Variants in DOK5 observed in about 807,000 individuals in gnomAD.
DOK5 encodes the protein docking protein 5, also known as downstream of tyrosine kinase 5.
Under a neutral mutation model 43.3 loss-of-function variants are expected in DOK5, and 27 were observed. The observed-to-expected ratio is 0.62, with a 90% CI of 0.46 to 0.86. DOK5 has a LOEUF of 0.86. Ranked by LOEUF, DOK5 falls within the 40% of genes least tolerant of loss-of-function variation. The pLI is 0.00. For synonymous variants in DOK5, 146 were observed against 140.1 expected (o/e 1.04, Z -0.30); for missense variants, 373 against 392.9 (o/e 0.95, Z 0.43).
At chr20:54,537,401 G>A (rs1983994676) in intron 1 of DOK5, among the ~76,000 whole-genome samples, 2 of 152,148 alleles carry the variant, frequency 1.3e-5, no homozygotes, top group Admixed American at 1.3e-4. Context: ...AGAATTATCT[G>A]ACAAAGATAT....
chr20:54,617,085 C>T (rs539557378), intron 6 of DOK5, among the ~76,000 whole-genome samples: 6 of 152,030 alleles, frequency 3.9e-5, no homozygotes, highest in African/African-American at 1.2e-4. Flanking sequence ...CCACTGCGCC[C>T]AGCCAAGGAT....
intron 1 of DOK5, among the ~76,000 whole-genome samples, chr20:54,549,642 A>G (rs187678357): frequency 6.6e-6 from 1 of 152,356 alleles, no homozygotes; most frequent in Non-Finnish European, 1.5e-5. Flanking sequence ...GCTTTTGGAC[A>G]TAAGCCAGGC....
intron 1 of DOK5, among the ~76,000 whole-genome samples, chr20:54,502,168 T>C (rs1982634040): frequency 6.6e-6 from 1 of 152,228 alleles, no homozygotes; most frequent in South Asian, 2.1e-4. Flanking sequence ...TTGAGACCAA[T>C]TTAATAACCA....
chr20:54,549,290 T>C (rs1984446770), intron 1 of DOK5, among the ~76,000 whole-genome samples: 1 of 152,188 alleles, frequency 6.6e-6, no homozygotes, highest in Admixed American at 6.5e-5. Flanking sequence ...ACAATTATCC[T>C]GAGTGATGCT....
intron 2 of DOK5, among the ~76,000 whole-genome samples, chr20:54,572,174 T>C (rs1985304067): frequency 6.6e-6 from 1 of 152,098 alleles, no homozygotes; most frequent in Non-Finnish European, 1.5e-5. Flanking sequence ...CTTTTTTTTT[T>C]TTTTGAGACG....
intron 2 of DOK5, among the ~76,000 whole-genome samples, chr20:54,568,522 A>G (rs1033577972): frequency 6.6e-6 from 1 of 152,222 alleles, no homozygotes; most frequent in South Asian, 2.1e-4. Context: ...AAAAAATTCT[A>G]TTGACAAAAG....
intron 5 of DOK5, among the ~76,000 whole-genome samples, 175 bp from the exon 6 acceptor site, chr20:54,610,213 A>C (rs1270385239): frequency 6.6e-6 from 1 of 152,256 alleles, no homozygotes; most frequent in Non-Finnish European, 1.5e-5. Flanking sequence ...GCCCTTGTTA[A>C]TAACAATTAA....
chr20:54,491,581 A>G (rs958302799), intron 1 of DOK5, among the ~76,000 whole-genome samples: 5 of 152,108 alleles, frequency 3.3e-5, no homozygotes, highest in Admixed American at 2.0e-4. Flanking sequence ...AGACCATGTC[A>G]CTGAACTGCT....
intron 2 of DOK5, among the ~76,000 whole-genome samples, chr20:54,578,097 A>G (rs539402266): frequency 1.1e-4 from 16 of 152,244 alleles, no homozygotes; most frequent in African/African-American, 3.9e-4. Context: ...ATCTTTTCCA[A>G]CCTCCAGGAT....
intron 6 of DOK5, among the ~76,000 whole-genome samples, chr20:54,623,884 T>C (rs936886180): frequency 2.0e-5 from 3 of 152,124 alleles, no homozygotes; most frequent in Admixed American, 2.0e-4. Context: ...CGGCCAGTGA[T>C]TTCCTTCTTA....
chr20:54,626,240 A>T (rs1485970790), intron 6 of DOK5, among the ~76,000 whole-genome samples: 2 of 152,242 alleles, frequency 1.3e-5, no homozygotes, highest in Non-Finnish European at 2.9e-5. Flanking sequence ...CGAGTGCAGA[A>T]TTCATCGAAA....
At chr20:54,593,041 A>T (rs566145724) in intron 5 of DOK5, among the ~76,000 whole-genome samples, 1 of 152,194 alleles carries the variant, frequency 6.6e-6, no homozygotes, top group African/African-American at 2.4e-5. Flanking sequence ...ACCCCAATCC[A>T]TGTGAATGGA....
chr20:54,550,153 G>T (rs567341836), intron 1 of DOK5, among the ~76,000 whole-genome samples: 5 of 145,536 alleles, frequency 3.4e-5, no homozygotes, highest in South Asian at 2.2e-4. Flanking sequence ...ACTCACTCTG[G>T]TCGTTAATTA....
chr20:54,615,574 G>A (rs981930990), intron 6 of DOK5, among the ~76,000 whole-genome samples: 1 of 152,060 alleles, frequency 6.6e-6, no homozygotes. Flanking sequence ...GTGGAAGAAG[G>A]GACTGTGAGC....
intron 6 of DOK5, among the ~76,000 whole-genome samples, chr20:54,635,424 C>T (rs1182932432): frequency 6.6e-6 from 1 of 152,154 alleles, no homozygotes; most frequent in Non-Finnish European, 1.5e-5. Context: ...TGAAGCCTGG[C>T]ACCTGAAGGC....
intron 5 of DOK5, among the ~76,000 whole-genome samples, chr20:54,598,400 T>C (rs531395096): frequency 7.4e-4 from 113 of 152,304 alleles, no homozygotes; most frequent in African/African-American, 2.7e-3. Flanking sequence ...GGGCACTAAT[T>C]TTTTATGGGA....
intron 2 of DOK5, among the ~76,000 whole-genome samples, chr20:54,557,006 A>T (rs1984728598): frequency 6.6e-6 from 1 of 152,226 alleles, no homozygotes; most frequent in Non-Finnish European, 1.5e-5. Context: ...AACTCCTCAA[A>T]TCCCATCCAT....
At chr20:54,644,977 G>A (rs115031970) in intron 7 of DOK5, among the ~76,000 whole-genome samples, 3,599 of 148,950 alleles carry the variant, frequency 0.024, 156 homozygotes, top group African/African-American at 0.085. Context: ...GCCTTTGTGG[G>A]GGATACTTGT....
intron 1 of DOK5, among the ~76,000 whole-genome samples, chr20:54,496,904 T>G (rs1982425688): frequency 6.6e-6 from 1 of 152,138 alleles, no homozygotes; most frequent in South Asian, 2.1e-4. Flanking sequence ...TCATGATTTC[T>G]CTAAGATTCT....
Sources: gnomAD v4.1 joint callset for allele counts (sites outside exome capture counted in the v4.1 genomes callset) on GRCh38, gnomAD v4.1.1 for gene constraint, MANE v1.5 for transcripts, NCBI Gene and HGNC (gene_info 2026-07-23, HGNC 2026-07-21) for gene names.